The following ZC3HC1 variants were observed in gnomAD, a reference collection of about 807,000 sequenced individuals.
ZC3HC1 encodes zinc finger C3HC-type containing 1, also known as zinc finger C3HC-type protein 1.
ZC3HC1 carries 38 observed loss-of-function variants against 61.9 expected under a neutral mutation model. The ratio of observed to expected loss-of-function variants is 0.61; its 90% CI spans 0.47 to 0.81. The LOEUF is 0.81. ZC3HC1 is among the 30% of genes least tolerant of loss of function. The pLI is 0.00. For missense variants in ZC3HC1, 554 were observed against 622.7 expected (o/e 0.89, Z 1.17); for synonymous variants, 213 against 229.9 (o/e 0.93, Z 0.67).
Position 130,036,345 on chromosome 7 carries a change from C to T in ZC3HC1, c.493+3119G>A, listed in dbSNP as rs373850503. On this transcript the variant is annotated intron_variant, in intron 4 of 9. Coordinates refer to ENST00000358303, the MANE Select transcript of ZC3HC1 (RefSeq NM_016478.5). ...CAGCCTGGCCAAAATGGTGAAACCT[C>T]GTCACTACTAAAAATAACACTTTGG... 4.0e-5 allele frequency among the ~76,000 whole-genome samples: 6 copies of T among 151,854 alleles called. No homozygotes were observed. The East Asian group carries it at 7.7e-4, about 20-fold the overall frequency.
chr7:130,035,362 A>G (rs1357623453), intron 4 of ZC3HC1, among the ~76,000 whole-genome samples: 1 of 148,320 alleles, frequency 6.7e-6, no homozygotes, highest in Non-Finnish European at 1.5e-5. Flanking sequence ...ACTGCACTCA[A>G]GTCTGGGCAA....
chr7:130,041,916 A>G (rs1413950760), intron 2 of ZC3HC1, among the ~76,000 whole-genome samples: 1 of 152,200 alleles, frequency 6.6e-6, no homozygotes, highest in Non-Finnish European at 1.5e-5. Flanking sequence ...ACAGGCCCAT[A>G]CTTCACAGAA....
rs917490477 is a variant in ZC3HC1 at position 130,023,172 on chromosome 7, C to T, written c.1233+339G>A. Reference sequence around the variant, plus strand: ...CTCGTATCATCCCGAAACCATCCTCCCAACCGTGGTCCGTGGAAAAATGGT... The same window carrying T: ...CTCGTATCATCCCGAAACCATCCTCTCAACCGTGGTCCGTGGAAAAATGGT... On this transcript the variant is annotated intron_variant, in intron 8 of 9. Transcript: ENST00000358303. This position sits in a 1 kb window ranked among gnomAD's most constrained non-coding sequence, Gnocchi z 4.2. 2 of 302,502 alleles carry T rather than the reference C, an allele frequency of 6.6e-6. No individual in the cohort carries two copies. The highest frequency in any genetic ancestry group is 1.2e-5 in the Non-Finnish European group (2 of 161,736). The allele number at this position is 302,502 out of a possible 1,614,324, so 18.7% of individuals were successfully genotyped here.
intron 2 of ZC3HC1, among the ~76,000 whole-genome samples, chr7:130,048,143 G>T (rs78196120): frequency 4.5e-4 from 33 of 73,750 alleles, no homozygotes; most frequent in Non-Finnish European, 6.4e-4. Flanking sequence ...TTTCCTAGTT[G>T]TTTTTTTTTT....
chr7:130,040,624 G>A (rs1794616251), intron 3 of ZC3HC1, among the ~76,000 whole-genome samples: 1 of 150,122 alleles, frequency 6.7e-6, no homozygotes, highest in African/African-American at 2.5e-5. Flanking sequence ...TGAGCAACCT[G>A]GTAAAACCCC....
Position 130,024,318 on chromosome 7 carries a change from G to A in ZC3HC1, c.965C>T (p.Pro322Leu), listed in dbSNP as rs1189600018. Residue 322 changes from proline to leucine, a missense_variant, in exon 7 of 10, where the codon CCT (proline) becomes CTT (leucine). By Grantham distance (98) the Pro-to-Leu change is moderately conservative (BLOSUM62 -3). Transcript: ENST00000358303. ...CTGGCTCCGGGTCATCATCCTCCGAGGAGATTCAGGCACCAGAGGTAAGCG... is the reference window on the plus strand; with the variant it reads ...CTGGCTCCGGGTCATCATCCTCCGAAGAGATTCAGGCACCAGAGGTAAGCG... ...PERLPLVPES[P>L]RRMMTRSQDA... is the part of the protein sequence containing the mutation. 11 of 1,614,108 alleles carry A rather than the reference G, an allele frequency of 6.8e-6. No individual in the cohort carries two copies. Among genetic ancestry groups the A allele is most frequent in the Non-Finnish European group, 9.3e-6 (11 of 1,180,020 alleles).
intron 6 of ZC3HC1, among the ~76,000 whole-genome samples, chr7:130,024,969 G>A (rs553073929): frequency 1.7e-4 from 21 of 126,094 alleles, no homozygotes; most frequent in Non-Finnish European, 2.5e-4. Context: ...GCAATGGTGC[G>A]ATCTCAGCTC....
chr7:130,019,032 C>T (rs1194367825), intron 9 of ZC3HC1, among the ~76,000 whole-genome samples: 1 of 151,496 alleles, frequency 6.6e-6, no homozygotes, highest in Non-Finnish European at 1.5e-5. Flanking sequence ...GTTAGTACAG[C>T]ACATGTTTTG....
chr7:130,021,351 CA>C, intron 9 of ZC3HC1, among the ~76,000 whole-genome samples: 1 of 152,306 alleles, frequency 6.6e-6, no homozygotes, highest in Admixed American at 6.5e-5. Context: ...AGACTACGAT[CA>C]GAAATTGTTA....
At chr7:130,042,889 G>A (rs1386464105) in intron 2 of ZC3HC1, among the ~76,000 whole-genome samples, 1 of 152,088 alleles carries the variant, frequency 6.6e-6, no homozygotes, top group Non-Finnish European at 1.5e-5. Context: ...TGCCATGTTG[G>A]CCAGGCTGGT....
chr7:130,042,370 G>T (rs1403529080), intron 2 of ZC3HC1, among the ~76,000 whole-genome samples: 1 of 151,206 alleles, frequency 6.6e-6, no homozygotes, highest in Non-Finnish European at 1.5e-5. Context: ...AATTTTCACT[G>T]AATCTGAAAT....
In ZC3HC1 at chr7:130,041,118, A is replaced by G. The variant is rs1794644991; in HGVS notation, c.259-17T>C. ...TTTCAAAGAGTATCCATGTTAAGAA[A>G]AACAACACAGCAAATATATATATAT... On this transcript the variant is annotated splice_polypyrimidine_tract_variant and intron_variant, in intron 2 of 9. Coordinates refer to ENST00000358303, the MANE Select transcript of ZC3HC1 (RefSeq NM_016478.5). The G allele has an allele frequency of 6.2e-7, 1 of 1,609,000 alleles. No homozygotes were observed. Among genetic ancestry groups the G allele is most frequent in the Non-Finnish European group, 8.5e-7 (1 of 1,178,708 alleles).
intron 3 of ZC3HC1, 138 bp downstream of exon 3, chr7:130,040,813 A>G: frequency 2.0e-6 from 2 of 1,015,904 alleles, no homozygotes; most frequent in Non-Finnish European, 2.8e-6. Flanking sequence ...CATCTCAAAA[A>G]AAAAAAAAAA....
chr7:130,037,802 A>G (rs1435154152), intron 4 of ZC3HC1, among the ~76,000 whole-genome samples: 2 of 152,144 alleles, frequency 1.3e-5, no homozygotes, highest in Admixed American at 1.3e-4. Context: ...CATGGCACTG[A>G]TTCCTGGTCA....
chr7:130,029,641 C>G (rs1371064691), intron 4 of ZC3HC1, among the ~76,000 whole-genome samples: 2 of 152,076 alleles, frequency 1.3e-5, no homozygotes, highest in Non-Finnish European at 2.9e-5. Context: ...ATAGAAGAAA[C>G]AAGATCGGCC....
At chr7:130,048,611 T>C (rs1794956642) in intron 2 of ZC3HC1, among the ~76,000 whole-genome samples, 1 of 152,126 alleles carries the variant, frequency 6.6e-6, no homozygotes, top group African/African-American at 2.4e-5. Context: ...TCTAATAATC[T>C]AAAAAACATT....
At chr7:130,031,643 T>C (rs1227499346) in intron 4 of ZC3HC1, among the ~76,000 whole-genome samples, 1 of 152,150 alleles carries the variant, frequency 6.6e-6, no homozygotes, top group African/African-American at 2.4e-5. Context: ...GAAATGTCCA[T>C]AGGCAGGCTT....
chr7:130,032,622 G>GGA lies in ZC3HC1; in HGVS notation c.494-3595_494-3594dup, dbSNP rs112047372. ...GATTGTGCCACTGCACTGTAGCCTG[G>GGA]GAGAGAGAGAGAGAGGAGAGAGAAA... On this transcript the variant is annotated intron_variant, in intron 4 of 9. Coordinates refer to ENST00000358303, the MANE Select transcript of ZC3HC1 (RefSeq NM_016478.5). Among the ~76,000 whole-genome samples the GGA allele has an allele frequency of 4.5e-3, 666 of 147,428 alleles. 5 individuals are homozygous for GGA. Among genetic ancestry groups the GGA allele is most frequent in the African/African-American group, 0.015 (616 of 40,024 alleles).
At chr7:130,041,166 G>GTA (rs1172187455) in intron 2 of ZC3HC1, 65 bp from the exon 3 acceptor site, 7 of 1,514,958 alleles carry the variant, frequency 4.6e-6, no homozygotes, top group African/African-American at 1.4e-5. Context: ...GTGTGTGTGT[G>GTA]TGTGTGTGTG....
Sources: gnomAD v4.1 joint callset for allele counts (sites outside exome capture counted in the v4.1 genomes callset) on GRCh38, gnomAD v4.1.1 for gene constraint, Gnocchi (gnomAD v3.1) non-coding constraint, MANE v1.5 for transcripts, NCBI Gene and HGNC (gene_info 2026-07-23, HGNC 2026-07-21) for gene names.